BCKDHB: variants seen among roughly 807,000 people sequenced by gnomAD.
The protein encoded by BCKDHB is branched chain keto acid dehydrogenase E1 subunit beta.
BCKDHB carries 41 observed loss-of-function variants against 48.5 expected under a neutral mutation model. That is an observed-to-expected ratio of 0.85 (90% confidence interval 0.66 to 1.10). The LOEUF is 1.10. BCKDHB is among the 50% of genes least tolerant of loss of function. The pLI is 0.00. For synonymous variants in BCKDHB, 201 were observed against 174.8 expected (o/e 1.15, Z -1.18); for missense variants, 496 against 494.2 (o/e 1.00, Z -0.03).
rs1445451407 is a variant in BCKDHB at position 80,107,005 on chromosome 6, TC to T, written c.196+118del. On this transcript the variant is annotated intron_variant, in intron 1 of 9. Coordinates refer to ENST00000320393, the MANE Select transcript of BCKDHB (RefSeq NM_183050.4). ...ATCCTTGCATCCCAGCTTATTAACT[TC>T]CTGACTCTCTGGAACCTCCTTGCCT... The T allele has an allele frequency of 6.1e-6, 8 of 1,319,410 alleles. No homozygotes were observed. In the Admixed American group the frequency reaches 1.4e-4, roughly 23 times the overall value. The allele number at this position is 1,319,410 out of a possible 1,614,324, so 81.7% of individuals were successfully genotyped here. A position where few individuals can be genotyped will look rare whatever the true frequency, so the allele number is the denominator to read the frequency against.
At chr6:80,163,323 TTTTCTC>T (rs1772414160) in intron 3 of BCKDHB, among the ~76,000 whole-genome samples, 1 of 151,948 alleles carries the variant, frequency 6.6e-6, no homozygotes, top group African/African-American at 2.4e-5. Context: ...TTTTTTTTTT[TTTTCTC>T]TTCTCTCCTA....
intron 6 of BCKDHB, among the ~76,000 whole-genome samples, chr6:80,186,588 T>C (rs1397792156): frequency 6.6e-6 from 1 of 152,238 alleles, no homozygotes; most frequent in Non-Finnish European, 1.5e-5. Flanking sequence ...AAGTTATATG[T>C]GCACTTCCCA....
the BCKDHB span, among the ~76,000 whole-genome samples, chr6:80,458,298 T>A: frequency 6.6e-6 from 1 of 152,216 alleles, no homozygotes; most frequent in Non-Finnish European, 1.5e-5. Context: ...ACCTCCTGGG[T>A]CAAACAAATA....
chr6:80,336,192 A>G (rs1479146743), intron 9 of BCKDHB, among the ~76,000 whole-genome samples: 1 of 151,844 alleles, frequency 6.6e-6, no homozygotes, highest in Non-Finnish European at 1.5e-5. Flanking sequence ...AATTTATTTC[A>G]GTTTCTATAG....
At chr6:80,405,793 A>T in the BCKDHB span, among the ~76,000 whole-genome samples, 2 of 152,272 alleles carry the variant, frequency 1.3e-5, no homozygotes, top group Non-Finnish European at 2.9e-5. Context: ...TACTGATAGC[A>T]TATAAAACAT....
chr6:80,275,779 C>A (rs1777945401), intron 9 of BCKDHB, among the ~76,000 whole-genome samples: 1 of 151,762 alleles, frequency 6.6e-6, no homozygotes, highest in Admixed American at 6.6e-5. Context: ...TATGCAATAT[C>A]CTGTATTGAG....
intron 3 of BCKDHB, among the ~76,000 whole-genome samples, chr6:80,156,996 A>G (rs1772074563): frequency 6.6e-6 from 1 of 152,184 alleles, no homozygotes; most frequent in African/African-American, 2.4e-5. Flanking sequence ...TTAAAATAAC[A>G]TATTAAAAGT....
At chr6:80,240,584 C>G (rs1164125613) in intron 8 of BCKDHB, among the ~76,000 whole-genome samples, 2 of 152,130 alleles carry the variant, frequency 1.3e-5, no homozygotes, top group Non-Finnish European at 2.9e-5. Flanking sequence ...ATGGGGTTTT[C>G]TAAATATACA....
At chr6:80,125,695 T>G (rs1001567860) in intron 1 of BCKDHB, among the ~76,000 whole-genome samples, 1 of 152,122 alleles carries the variant, frequency 6.6e-6, no homozygotes, top group Non-Finnish European at 1.5e-5. Flanking sequence ...GAATGACTGG[T>G]CAGTGGATCA....
chr6:80,178,888 C>G (rs951084930), intron 6 of BCKDHB, among the ~76,000 whole-genome samples: 2 of 152,186 alleles, frequency 1.3e-5, no homozygotes, highest in South Asian at 4.1e-4. Flanking sequence ...CTTTCTAATA[C>G]TACCCTATTT....
intron 6 of BCKDHB, among the ~76,000 whole-genome samples, chr6:80,187,888 A>G (rs1005734271): frequency 2.0e-5 from 3 of 152,208 alleles, no homozygotes; most frequent in African/African-American, 7.2e-5. Flanking sequence ...GGAAATGTCA[A>G]CTGGTTTAGC....
intron 8 of BCKDHB, among the ~76,000 whole-genome samples, chr6:80,241,833 T>G (rs939902749): frequency 6.6e-6 from 1 of 152,198 alleles, no homozygotes; most frequent in Non-Finnish European, 1.5e-5. Flanking sequence ...GGGTTTAAAT[T>G]TGCCTTTCTG....
chr6:80,415,745 G>T, the BCKDHB span, among the ~76,000 whole-genome samples: 1 of 151,904 alleles, frequency 6.6e-6, no homozygotes, highest in Non-Finnish European at 1.5e-5. Context: ...TTTTTGTTGC[G>T]TCTCTGCCAG....
In BCKDHB at chr6:80,168,988, T is replaced by G; in HGVS notation, c.591T>G (p.Ser197=). ...GCVGHGALYH[S]QSPEAFFAHC... ...TTGGTCATGGGGCTCTCTATCATTC[T>G]CAGAGTCCTGAAGCATTTTTTGCCC... The change falls in exon 5 of 10, where the codon TCT becomes TCG. Residue 197 remains serine, a synonymous_variant. Coordinates refer to ENST00000320393, the MANE Select transcript of BCKDHB (RefSeq NM_183050.4). 1 of 1,614,222 alleles carries G rather than the reference T, an allele frequency of 6.2e-7. No individual in the cohort carries two copies. The highest frequency in any genetic ancestry group is 1.1e-5 in the South Asian group (1 of 91,084).
intron 9 of BCKDHB, among the ~76,000 whole-genome samples, chr6:80,305,179 A>C (rs1767797650): frequency 6.6e-6 from 1 of 152,178 alleles, no homozygotes; most frequent in African/African-American, 2.4e-5. Context: ...ACATCAATAC[A>C]AATTGAAAAT....
intron 9 of BCKDHB, among the ~76,000 whole-genome samples, chr6:80,335,961 C>T (rs1458356809): frequency 6.6e-6 from 1 of 151,870 alleles, no homozygotes; most frequent in Non-Finnish European, 1.5e-5. Flanking sequence ...GGTCTCTGGA[C>T]AACAATAAGC....
At chr6:80,268,901 A>G (rs1438908482) in intron 8 of BCKDHB, among the ~76,000 whole-genome samples, 5 of 152,156 alleles carry the variant, frequency 3.3e-5, no homozygotes, top group Non-Finnish European at 1.5e-5. Flanking sequence ...ACATTAAAAT[A>G]CCATCAATTT....
intron 9 of BCKDHB, among the ~76,000 whole-genome samples, chr6:80,336,108 T>C (rs1769578213): frequency 6.6e-6 from 1 of 151,952 alleles, no homozygotes; most frequent in South Asian, 2.1e-4. Context: ...AAATAGTAAT[T>C]CATATTCTTA....
the BCKDHB span, among the ~76,000 whole-genome samples, chr6:80,415,853 C>A: frequency 1.3e-5 from 2 of 151,554 alleles, no homozygotes; most frequent in African/African-American, 2.4e-5. Flanking sequence ...ATGATACCAG[C>A]TCTTCTTTGT....
Sources: gnomAD v4.1 joint callset for allele counts (sites outside exome capture counted in the v4.1 genomes callset) on GRCh38, gnomAD v4.1.1 for gene constraint, MANE v1.5 for transcripts, NCBI Gene and HGNC (gene_info 2026-07-23, HGNC 2026-07-21) for gene names.